Variants in CNST observed in about 807,000 individuals in gnomAD.
The protein encoded by CNST is consortin, connexin sorting protein.
Under a neutral mutation model 72.4 loss-of-function variants are expected in CNST, and 39 were observed. That is an observed-to-expected ratio of 0.54 (90% confidence interval 0.42 to 0.70). The LOEUF (loss-of-function observed/expected upper bound fraction) is 0.70, where lower values mean the gene tolerates loss of function less well. Among genes scored for constraint, CNST ranks in the 30% least tolerant of loss-of-function variants. The pLI is 0.00. For missense variants in CNST, 871 were observed against 868.5 expected, an observed-to-expected ratio of 1.00 and a Z score of -0.04; for synonymous variants, 332 against 320.1, an observed-to-expected ratio of 1.04 and a Z score of -0.40.
Position 246,623,213 on chromosome 1 carries a change from A to C in CNST, c.585+1579A>C, listed in dbSNP as rs76616118. Among the ~76,000 whole-genome samples, 1,464 of 152,342 alleles carry C rather than the reference A, an allele frequency of 9.6e-3. 18 individuals are homozygous for C. The highest frequency in any genetic ancestry group is 0.033 in the African/African-American group (1,372 of 41,570). ...TTGTAATGAGAAGTGAATAATTTTT[A>C]ATTTTTAACCCATTTAGAAAAAAAA... On this transcript the variant is annotated intron_variant, in intron 3 of 10. Transcript: ENST00000366513.
Position 246,621,553 on chromosome 1 carries a change from T to C in CNST, c.504T>C (p.Leu168=). The C allele has an allele frequency of 6.2e-7, 1 of 1,614,174 alleles. No homozygotes were observed. The highest frequency in any genetic ancestry group is 8.5e-7 in the Non-Finnish European group (1 of 1,180,022). ...NANEQPEAPK[L]VLQSLFSLIR... is the part of the protein sequence containing the mutation. ...ATGAGCAGCCAGAGGCGCCAAAGCT[T>C]GTTCTGCAGTCTCTGTTTTCACTTA... The change falls in exon 3 of 11, where the codon CTT becomes CTC. Residue 168 remains leucine, a synonymous_variant. Transcript: ENST00000366513.
At chr1:246,623,898 CAA>C (rs201954021) in intron 3 of CNST, among the ~76,000 whole-genome samples, 1 of 138,716 alleles carries the variant, frequency 7.2e-6, no homozygotes, top group Non-Finnish European at 1.5e-5. Flanking sequence ...CTTGTCTCTA[CAA>C]AAAAAAAAAA....
Position 246,588,502 on chromosome 1 carries a change from A to T in CNST, c.-51-3010A>T, listed in dbSNP as rs148939918. Among the ~76,000 whole-genome samples the T allele has an allele frequency of 6.2e-4, 95 of 152,322 alleles. No individual in the cohort carries two copies. In the East Asian group the frequency reaches 0.014, roughly 23 times the overall value. On this transcript the variant is annotated intron_variant, in intron 1 of 10. Coordinates refer to ENST00000366513, the MANE Select transcript of CNST (RefSeq NM_152609.3). ...GTTAGCAAGGAAGAATCCAGAATGG[A>T]GTGATTCACCATGAGCCATATTTGG... is the stretch of plus-strand genomic sequence containing the variant.
chr1:246,600,417 A>G (rs1289158756), intron 2 of CNST, among the ~76,000 whole-genome samples: 1 of 152,196 alleles, frequency 6.6e-6, no homozygotes, highest in Non-Finnish European at 1.5e-5. Context: ...GGTTGGAGCA[A>G]TGGAAGATTA....
chr1:246,645,320 A>C (rs1377151771), intron 8 of CNST, among the ~76,000 whole-genome samples: 4 of 152,200 alleles, frequency 2.6e-5, no homozygotes, highest in African/African-American at 9.6e-5. Flanking sequence ...GTATCAGTAA[A>C]TAAACAAATG....
chr1:246,573,661 G>A (rs921227742), intron 1 of CNST, among the ~76,000 whole-genome samples: 1 of 152,172 alleles, frequency 6.6e-6, no homozygotes, highest in African/African-American at 2.4e-5. Flanking sequence ...GCCTCAAAGA[G>A]AACAGCTGCG....
intron 2 of CNST, among the ~76,000 whole-genome samples, chr1:246,619,301 C>T (rs1371042120): frequency 6.6e-6 from 1 of 152,094 alleles, no homozygotes; most frequent in African/African-American, 2.4e-5. Context: ...TAGAAATACC[C>T]TAAAAAATGG....
intron 6 of CNST, 74 bp downstream of exon 6, chr1:246,634,661 T>C: frequency 1.3e-6 from 1 of 776,284 alleles, no homozygotes; most frequent in Non-Finnish European, 2.2e-6. Context: ...TGAGTATCCA[T>C]TTCTTTGTTT....
intron 8 of CNST, among the ~76,000 whole-genome samples, chr1:246,643,536 G>A (rs955719120): frequency 6.6e-6 from 1 of 152,206 alleles, no homozygotes; most frequent in Non-Finnish European, 1.5e-5. Context: ...TTTGAGTCAT[G>A]TGGTACAGAT....
chr1:246,615,027 C>T (rs946977534), intron 2 of CNST, among the ~76,000 whole-genome samples: 2 of 152,162 alleles, frequency 1.3e-5, no homozygotes, highest in Admixed American at 6.5e-5. Flanking sequence ...TCACAAAATG[C>T]CTCTTGACCA....
chr1:246,615,238 C>G (rs900938094), intron 2 of CNST, among the ~76,000 whole-genome samples: 2 of 152,126 alleles, frequency 1.3e-5, no homozygotes, highest in South Asian at 4.1e-4. Flanking sequence ...CGCAGTGGCG[C>G]GATCTCGGCT....
rs1188330008 is a variant in CNST, at chr1:246,631,774, AGAG to A, written c.586-119_586-117del. On this transcript the variant is annotated intron_variant, in intron 3 of 10. Transcript: ENST00000366513. Reference sequence around the variant, plus strand: ...GAACTGTTGAATGTAGTTTAAAAAAAGAGTTTTCTTAATTTGATATCAAAAACA... The same window carrying A: ...GAACTGTTGAATGTAGTTTAAAAAAATTTTCTTAATTTGATATCAAAAACA... 5.4e-6 allele frequency: 4 copies of A among 742,630 alleles called. No homozygotes were observed. In the East Asian group the frequency reaches 1.0e-4, roughly 19 times the overall value. 46.0% of individuals were successfully genotyped at this position (742,630 alleles called of 1,614,324 possible).
intron 6 of CNST, 43 bp downstream of exon 6, chr1:246,634,630 A>G (rs1314802715): frequency 1.9e-6 from 2 of 1,046,920 alleles, no homozygotes; most frequent in Non-Finnish European, 2.9e-6. Context: ...GGAGTAGAAT[A>G]TTGAAGAAGC....
chr1:246,634,153 T>A (rs1664975380), intron 5 of CNST, 143 bp downstream of exon 5: 2 of 629,456 alleles, frequency 3.2e-6, no homozygotes, highest in South Asian at 4.1e-5. Flanking sequence ...AAAGTAGCAT[T>A]TTTACCACAA....
intron 8 of CNST, among the ~76,000 whole-genome samples, chr1:246,646,708 G>A (rs985272916): frequency 1.3e-5 from 2 of 152,204 alleles, no homozygotes; most frequent in South Asian, 2.1e-4. Context: ...TCGAATTCCC[G>A]ACCTCAGGTG....
intron 1 of CNST, among the ~76,000 whole-genome samples, chr1:246,590,859 C>CT (rs373861233): frequency 0.45 from 61,489 of 135,648 alleles, 14,779 homozygotes; most frequent in Non-Finnish European, 0.54. Context: ...TAACCATGGC[C>CT]TTTTTTTTTT....
At chr1:246,619,467 T>C (rs1663911398) in intron 2 of CNST, among the ~76,000 whole-genome samples, 1 of 152,172 alleles carries the variant, frequency 6.6e-6, no homozygotes, top group Non-Finnish European at 1.5e-5. Flanking sequence ...CCATGCTGGG[T>C]ATCACTGGAA....
chr1:246,578,563 C>T (rs1479884413), intron 1 of CNST, among the ~76,000 whole-genome samples: 2 of 151,776 alleles, frequency 1.3e-5, no homozygotes, highest in African/African-American at 4.8e-5. Context: ...CCCAGCTACT[C>T]GGGAGGCTGA....
chr1:246,616,844 C>T (rs1163359363), intron 2 of CNST, among the ~76,000 whole-genome samples: 2 of 151,728 alleles, frequency 1.3e-5, no homozygotes, highest in East Asian at 2.0e-4. Flanking sequence ...TAAGCCACTG[C>T]GCCCGGCCAA....
Sources: allele counts gnomAD v4.1 joint callset (sites outside exome capture counted in the v4.1 genomes callset), GRCh38; gene constraint gnomAD v4.1.1; transcripts MANE v1.5; gene names NCBI Gene and HGNC (gene_info 2026-07-23, HGNC 2026-07-21).